EMCN: variants seen among roughly 807,000 people sequenced by gnomAD.
EMCN encodes endomucin.
EMCN carries 37 observed loss-of-function variants against 38.4 expected under a neutral mutation model. That is an observed-to-expected ratio of 0.96 (90% CI 0.74 to 1.27). The LOEUF is 1.27. Ranked by LOEUF, EMCN falls within the 50% of genes most tolerant of loss-of-function variation. The pLI, the probability that EMCN is intolerant of heterozygous loss-of-function variation, is 0.00. For missense variants in EMCN, 318 were observed against 302.8 expected (o/e 1.05, Z -0.37); for synonymous variants, 95 against 100.8 (o/e 0.94, Z 0.35).
chr4:100,416,459 C>T (rs1726736776), intron 9 of EMCN, among the ~76,000 whole-genome samples: 1 of 152,102 alleles, frequency 6.6e-6, no homozygotes, highest in Non-Finnish European at 1.5e-5. Flanking sequence ...CAAGAGTTCT[C>T]ATCTATCCAA....
intron 2 of EMCN, among the ~76,000 whole-genome samples, chr4:100,477,456 G>T (rs1728692216): frequency 1.3e-5 from 2 of 152,164 alleles, no homozygotes; most frequent in East Asian, 1.9e-4. Flanking sequence ...AGCAAGCCCT[G>T]CTCCAGGCGA....
intron 8 of EMCN, among the ~76,000 whole-genome samples, chr4:100,419,075 T>C (rs1237237777): frequency 6.6e-6 from 1 of 151,904 alleles, no homozygotes; most frequent in African/African-American, 2.4e-5. Context: ...TTTATATGCC[T>C]GTTTTAATAT....
At chr4:100,436,185 C>T (rs1236501495) in intron 5 of EMCN, among the ~76,000 whole-genome samples, 1 of 150,740 alleles carries the variant, frequency 6.6e-6, no homozygotes, top group African/African-American at 2.4e-5. Context: ...AAAAAAAAAA[C>T]ATTTTAAGAA....
At position 100,396,539 on chromosome 4, in the gene EMCN, C is replaced by CTTTTTTTTTTTTT. The variant is rs1726124269; in HGVS notation, c.*1873_*1874insAAAAAAAAAAAAA. On this transcript the variant is annotated 3_prime_UTR_variant, in exon 12 of 12. Transcript: ENST00000296420. ...GGGACTTTCTTTCTTTCTTTTTTTT[C>CTTTTTTTTTTTTT]CTTTTTTTTTTTTTTTTTTTTGAGA... 1 of 99,378 alleles carries CTTTTTTTTTTTTT rather than the reference C, an allele frequency of 1.0e-5. No individual in the cohort carries two copies. The highest frequency in any genetic ancestry group is 4.1e-5 in the African/African-American group (1 of 24,266). 6.2% of individuals were successfully genotyped at this position (99,378 alleles called of 1,614,324 possible). A position where few individuals can be genotyped will look rare whatever the true frequency, so the allele number is the denominator to read the frequency against.
chr4:100,440,513 A>G (rs1329921586), intron 5 of EMCN, among the ~76,000 whole-genome samples: 1 of 152,026 alleles, frequency 6.6e-6, no homozygotes, highest in African/African-American at 2.4e-5. Context: ...TTCCTGAGTT[A>G]CTTCACTTAA....
At chr4:100,460,844 A>T (rs1728159768) in intron 4 of EMCN, among the ~76,000 whole-genome samples, 1 of 152,064 alleles carries the variant, frequency 6.6e-6, no homozygotes, top group Admixed American at 6.6e-5. Context: ...TTTGCTTTTG[A>T]TGTTATATCT....
intron 1 of EMCN, chr4:100,486,926 C>T: frequency 1.0e-6 from 1 of 985,320 alleles, no homozygotes; most frequent in Non-Finnish European, 1.2e-6. Flanking sequence ...GATAATTCTT[C>T]AAAGATCATG....
At chr4:100,428,168 A>C (rs1239377980) in intron 5 of EMCN, among the ~76,000 whole-genome samples, 1 of 152,148 alleles carries the variant, frequency 6.6e-6, no homozygotes. Flanking sequence ...TCCATGCAAT[A>C]GCCCACAAAA....
At chr4:100,485,356 T>C (rs1344976624) in intron 1 of EMCN, among the ~76,000 whole-genome samples, 10 of 152,110 alleles carry the variant, frequency 6.6e-5, no homozygotes, top group Admixed American at 5.2e-4. Context: ...ATTTTGTGCA[T>C]TTTTATTCTC....
intron 1 of EMCN, among the ~76,000 whole-genome samples, chr4:100,490,694 G>C (rs972063133): frequency 6.6e-6 from 1 of 152,204 alleles, no homozygotes; most frequent in African/African-American, 2.4e-5. Context: ...TAGGTGTGTA[G>C]TAGGTTGTGT....
chr4:100,454,864 C>T (rs1017463101), intron 4 of EMCN, among the ~76,000 whole-genome samples: 1 of 152,160 alleles, frequency 6.6e-6, no homozygotes, highest in Non-Finnish European at 1.5e-5. Flanking sequence ...GTAGTCCCTT[C>T]AACTTTCTTT....
chr4:100,457,087 A>C (rs757212217), intron 4 of EMCN, among the ~76,000 whole-genome samples: 14 of 151,894 alleles, frequency 9.2e-5, no homozygotes, highest in Admixed American at 4.6e-4. Flanking sequence ...TTTGCCTTAA[A>C]TTCTACTTTT....
intron 5 of EMCN, among the ~76,000 whole-genome samples, chr4:100,431,264 C>T (rs547484772): frequency 7.2e-5 from 11 of 152,228 alleles, no homozygotes; most frequent in South Asian, 4.1e-4. Context: ...TTTCAAGTTA[C>T]GCTAGTTGCT....
intron 1 of EMCN, among the ~76,000 whole-genome samples, chr4:100,515,673 C>T (rs991487765): frequency 2.0e-5 from 3 of 152,034 alleles, no homozygotes; most frequent in African/African-American, 4.8e-5. Context: ...TCCCTCCTCA[C>T]CCCCAAGAAT....
chr4:100,484,261 G>A (rs1578224925), intron 1 of EMCN, among the ~76,000 whole-genome samples: 1 of 152,064 alleles, frequency 6.6e-6, no homozygotes, highest in South Asian at 2.1e-4. Context: ...TCTTTAATGT[G>A]AACTTGCTTT....
At chr4:100,485,149 T>G (rs1010666475) in intron 1 of EMCN, among the ~76,000 whole-genome samples, 1 of 152,164 alleles carries the variant, frequency 6.6e-6, no homozygotes, top group Non-Finnish European at 1.5e-5. Flanking sequence ...GGTAATAATG[T>G]CATAACCTAG....
At position 100,424,897 on chromosome 4, in the gene EMCN, C is replaced by A. The variant is rs77110461; in HGVS notation, c.416-1493G>T. Among the ~76,000 whole-genome samples the A allele has an allele frequency of 1.5e-4, 23 of 152,022 alleles. No individual in the cohort carries two copies. In the East Asian group the frequency reaches 4.3e-3, roughly 28 times the overall value. On this transcript the variant is annotated intron_variant, in intron 5 of 11. Coordinates refer to ENST00000296420, the MANE Select transcript of EMCN (RefSeq NM_016242.4). ...GTTAATTGTCCTACCATATTACCTT[C>A]CTGTAGACAGGCTAAATGGCAGACT...
chr4:100,414,276 T>G (rs761884637), intron 10 of EMCN, among the ~76,000 whole-genome samples: 4 of 149,514 alleles, frequency 2.7e-5, no homozygotes, highest in Non-Finnish European at 5.9e-5. Flanking sequence ...CTTTTCTTGA[T>G]AAATCGTGTA....
Position 100,422,981 on chromosome 4 carries a change from C to T in EMCN, c.568+40G>A, listed in dbSNP as rs376741806. On this transcript the variant is annotated intron_variant, in intron 7 of 11. Coordinates refer to ENST00000296420, the MANE Select transcript of EMCN (RefSeq NM_016242.4). ...TTACTGGTCACATTCAAACATTCTGCATATCTACTGCCATGAATGAAGGCA... is the reference window on the plus strand; with the variant it reads ...TTACTGGTCACATTCAAACATTCTGTATATCTACTGCCATGAATGAAGGCA... 182 of 1,590,842 alleles carry T rather than the reference C, an allele frequency of 1.1e-4. 5 individuals are homozygous for T. The South Asian group carries it at 1.2e-3, about 10-fold the overall frequency.
Sources: gnomAD v4.1 joint callset for allele counts (sites outside exome capture counted in the v4.1 genomes callset) on GRCh38, gnomAD v4.1.1 for gene constraint, MANE v1.5 for transcripts, NCBI Gene and HGNC (gene_info 2026-07-23, HGNC 2026-07-21) for gene names.